The following HECTD4 variants were observed in gnomAD, a reference collection of about 807,000 sequenced individuals.
HECTD4 encodes the protein probable E3 ubiquitin-protein ligase HECTD4.
A neutral mutation model predicts 471.5 loss-of-function variants in HECTD4; 114 were observed. The observed-to-expected ratio is 0.24, with a 90% CI of 0.21 to 0.28. HECTD4 has a LOEUF of 0.28. HECTD4 is among the 10% of genes least tolerant of loss of function. HECTD4 has a pLI of 1.00. For synonymous variants in HECTD4, 2,012 were observed against 2,256.0 expected (o/e 0.89, Z 3.07); for missense variants, 3,866 against 5,651.5 (o/e 0.68, Z 10.13).
At position 112,167,219 on chromosome 12, in the gene HECTD4, C is replaced by T. The variant is rs569962740; in HGVS notation, c.12534+98G>A. The T allele has an allele frequency of 3.8e-4, 418 of 1,109,864 alleles. 1 individual carries two copies. Among genetic ancestry groups the T allele is most frequent in the Non-Finnish European group, 4.3e-4 (329 of 766,008 alleles). 68.8% of individuals were successfully genotyped at this position (1,109,864 alleles called of 1,614,324 possible). A position where few individuals can be genotyped will look rare whatever the true frequency, so the allele number is the denominator to read the frequency against. On this transcript the variant is annotated intron_variant, in intron 72 of 75. Coordinates refer to ENST00000682272, the MANE Select transcript of HECTD4 (RefSeq NM_001388303.1). ...TAAGGTCCTCTGTGGGATCCCAACC[C>T]AGCCTCAGCGGGGAGCTCGGGTCTG...
At chr12:112,225,609 A>G (rs1471378660) in intron 44 of HECTD4, among the ~76,000 whole-genome samples, 1 of 151,022 alleles carries the variant, frequency 6.6e-6, no homozygotes, top group Non-Finnish European at 1.5e-5. Flanking sequence ...TTCCACAAAC[A>G]AATTGTAAGG....
chr12:112,184,569 G>A lies in HECTD4; in HGVS notation c.10397C>T (p.Thr3466Ile). ...GGACGTGCTGACCTCCATGCTGTCTGTGCCGGGGAAGGCCAGTGTCTTCTC... is the reference window on the plus strand; with the variant it reads ...GGACGTGCTGACCTCCATGCTGTCTATGCCGGGGAAGGCCAGTGTCTTCTC... ...EPEKTLAFPG[T>I]DSMEVSTSSS... is the part of the protein sequence containing the mutation. The change falls in exon 61 of 76, where the codon ACA becomes ATA. Residue 3466 changes from threonine (T) to isoleucine (I), a missense_variant. This residue lies in a region of HECTD4 where 192 missense variants were observed against 189.9 expected (regional missense o/e 1.01). Coordinates refer to ENST00000682272, the MANE Select transcript of HECTD4 (RefSeq NM_001388303.1). The surrounding 1 kb of genome is among the most constrained non-coding windows in gnomAD (Gnocchi z 9.1). 1.9e-6 allele frequency: 3 copies of A among 1,613,674 alleles called. No individual in the cohort carries two copies. The highest frequency in any genetic ancestry group is 2.5e-6 in the Non-Finnish European group (3 of 1,179,864).
intron 47 of HECTD4, 128 bp downstream of exon 47, chr12:112,216,645 G>A: frequency 8.9e-7 from 1 of 1,129,246 alleles, no homozygotes; most frequent in Non-Finnish European, 1.3e-6. Flanking sequence ...CTCCAGAAAG[G>A]AAAAATAATG....
intron 7 of HECTD4, among the ~76,000 whole-genome samples, chr12:112,290,862 A>C (rs951659848): frequency 0.022 from 3,037 of 138,170 alleles, 285 homozygotes; most frequent in African/African-American, 0.096. Context: ...AAAAAACAAA[A>C]CAAAAAAAAA....
intron 34 of HECTD4, among the ~76,000 whole-genome samples, chr12:112,238,490 C>T (rs1017431982): frequency 5.9e-5 from 9 of 152,142 alleles, no homozygotes; most frequent in Non-Finnish European, 1.2e-4. Flanking sequence ...AACGCCAAGG[C>T]GCGAGGACTG....
intron 32 of HECTD4, among the ~76,000 whole-genome samples, chr12:112,241,967 A>T (rs555050145): frequency 1.7e-4 from 26 of 152,312 alleles, no homozygotes; most frequent in African/African-American, 6.0e-4. Flanking sequence ...AACTGTCAGG[A>T]AGCACAGCAG....
intron 67 of HECTD4, among the ~76,000 whole-genome samples, chr12:112,172,162 C>CA (rs1471817530): frequency 6.6e-6 from 1 of 152,234 alleles, no homozygotes; most frequent in African/African-American, 2.4e-5. Context: ...CTTGGCCTCT[C>CA]AAAGTGCTGG....
chr12:112,212,387 T>G, intron 49 of HECTD4, 100 bp downstream of exon 49: 1 of 920,318 alleles, frequency 1.1e-6, no homozygotes, highest in Non-Finnish European at 1.7e-6. Flanking sequence ...ACCAATATTA[T>G]GTACAATGAG....
At chr12:112,285,192 C>G (rs749438852) in intron 7 of HECTD4, among the ~76,000 whole-genome samples, 1 of 152,140 alleles carries the variant, frequency 6.6e-6, no homozygotes, top group Non-Finnish European at 1.5e-5. Context: ...GCTCACTGTG[C>G]TGGCGAGTGA....
intron 1 of HECTD4, among the ~76,000 whole-genome samples, chr12:112,323,773 A>G (rs1201430359): frequency 6.6e-6 from 1 of 151,946 alleles, no homozygotes; most frequent in Non-Finnish European, 1.5e-5. Context: ...TAAAATTCAT[A>G]GAACTACACA....
chr12:112,228,026 G>A lies in HECTD4; in HGVS notation c.6854+63C>T. 6.9e-7 allele frequency: 1 copy of A among 1,457,230 alleles called. No homozygotes were observed. The highest frequency in any genetic ancestry group is 9.2e-7 in the Non-Finnish European group (1 of 1,092,572). The allele number at this position is 1,457,230 out of a possible 1,614,324, so 90.3% of individuals were successfully genotyped here. On this transcript the variant is annotated intron_variant, in intron 43 of 75. Coordinates refer to ENST00000682272, the MANE Select transcript of HECTD4 (RefSeq NM_001388303.1). The surrounding 1 kb of genome is among the most constrained non-coding windows in gnomAD (Gnocchi z 4.9). Reference sequence around the variant, plus strand: ...GTTGGGAGTGGAGGGGCCCACCAAGGATCCCTTCTTCTGTCAGCTTGCACC... The same window carrying A: ...GTTGGGAGTGGAGGGGCCCACCAAGAATCCCTTCTTCTGTCAGCTTGCACC...
chr12:112,313,548 C>T (rs546964390), intron 3 of HECTD4, among the ~76,000 whole-genome samples: 168 of 136,846 alleles, frequency 1.2e-3, no homozygotes, highest in African/African-American at 4.4e-3. Flanking sequence ...AGTGCAGTGG[C>T]GTGATCTCGG....
chr12:112,267,923 T>C (rs1361786461), intron 13 of HECTD4, among the ~76,000 whole-genome samples: 2 of 152,184 alleles, frequency 1.3e-5, no homozygotes, highest in African/African-American at 4.8e-5. Flanking sequence ...CAGGCTCAAG[T>C]GATCCTCCCA....
intron 1 of HECTD4, among the ~76,000 whole-genome samples, chr12:112,375,977 G>A (rs980119711): frequency 3.3e-5 from 5 of 151,572 alleles, no homozygotes; most frequent in African/African-American, 1.2e-4. Context: ...TTGGCAGGCT[G>A]AGGCAGGAGA....
rs956472200 is a variant in HECTD4, at chr12:112,167,500, C to T, written c.12351G>A (p.Gly4117=). 3 of 1,608,180 alleles carry T rather than the reference C, an allele frequency of 1.9e-6. No individual in the cohort carries two copies. Among genetic ancestry groups the T allele is most frequent in the Non-Finnish European group, 2.6e-6 (3 of 1,176,168 alleles). ...CCAGGAAGTGCAGCAGCTGCTCCTCCCCGTAGGTGATGGGGCTCGGGGTCA... is the reference window on the plus strand; with the variant it reads ...CCAGGAAGTGCAGCAGCTGCTCCTCTCCGTAGGTGATGGGGCTCGGGGTCA... The part of the protein sequence containing the change: ...YILTPSPITY[G]EEQLLHFLGQ... Residue 4117 remains glycine, a synonymous_variant, in exon 72 of 76, where the codon GGG becomes GGA. Coordinates refer to ENST00000682272, the MANE Select transcript of HECTD4 (RefSeq NM_001388303.1).
rs374889610 is a variant in HECTD4, at chr12:112,193,128, C to A, written c.9019G>T (p.Val3007Leu). The A allele has an allele frequency of 1.9e-5, 31 of 1,613,856 alleles. No individual in the cohort carries two copies. The highest frequency in any genetic ancestry group is 2.3e-5 in the Non-Finnish European group (27 of 1,179,886). Residue 3007 changes from valine (V) to leucine (L), a missense_variant, in exon 58 of 76, where the codon GTG (valine) becomes TTG (leucine). Coordinates refer to ENST00000682272, the MANE Select transcript of HECTD4 (RefSeq NM_001388303.1). The surrounding 1 kb of genome is among the most constrained non-coding windows in gnomAD (Gnocchi z 5.2). ...ACAAAAGCTGCCCCGGGGAAATTCA[C>A]GTCCATGTTGACTTTGGATTCGGAA... ...PISESKVNMD[V>L]NFPGAAFVVV...
At chr12:112,170,208 T>C in intron 69 of HECTD4, 125 bp downstream of exon 69, 1 of 1,348,116 alleles carries the variant, frequency 7.4e-7, no homozygotes, top group Non-Finnish European at 1.0e-6. Context: ...ACCAGGGCGC[T>C]CCAGCAGAAC....
chr12:112,163,421 CTG>C lies in HECTD4; in HGVS notation c.12897+119_12897+120del. On this transcript the variant is annotated intron_variant, in intron 74 of 75. Transcript: ENST00000682272. The surrounding 1 kb of genome is among the most constrained non-coding windows in gnomAD (Gnocchi z 8.2). ...TGACAATGATGACAATGATACAGGT[CTG>C]TGGCAAGGACAGAGCTGAGACAGGC... is the stretch of plus-strand genomic sequence containing the variant. 1 of 1,046,750 alleles carries C rather than the reference CTG, an allele frequency of 9.6e-7. No homozygotes were observed. The highest frequency in any genetic ancestry group is 1.4e-6 in the Non-Finnish European group (1 of 729,428). The allele number at this position is 1,046,750 out of a possible 1,614,324, so 64.8% of individuals were successfully genotyped here. A position where few individuals can be genotyped will look rare whatever the true frequency, so the allele number is the denominator to read the frequency against.
Position 112,250,970 on chromosome 12 carries a change from C to T in HECTD4, c.3716+1G>A. 6.2e-7 allele frequency: 1 copy of T among 1,605,974 alleles called. No homozygotes were observed. The highest frequency in any genetic ancestry group is 1.7e-5 in the Admixed American group (1 of 58,072). ...TAGCTCAATTTCAACCTTTTTGTTACCTTTGTAAAAGTTTGGACCGCAATA... is the reference window on the plus strand; with the variant it reads ...TAGCTCAATTTCAACCTTTTTGTTATCTTTGTAAAAGTTTGGACCGCAATA... On this transcript the variant is annotated splice_donor_variant, in intron 24 of 75. Transcript: ENST00000682272. LOFTEE classifies it high-confidence loss of function.
Sources: allele counts gnomAD v4.1 joint callset (sites outside exome capture counted in the v4.1 genomes callset), GRCh38; gene constraint gnomAD v4.1.1; regional missense constraint gnomAD v4.1.1; non-coding constraint Gnocchi (gnomAD v3.1); transcripts MANE v1.5; gene names NCBI Gene and HGNC (gene_info 2026-07-23, HGNC 2026-07-21).